VWA1: variants seen among roughly 807,000 people sequenced by gnomAD.
VWA1 encodes the protein von Willebrand factor A domain-containing protein 1.
In VWA1, 12 loss-of-function variants were observed where a neutral mutation model predicts 14.9. The observed-to-expected ratio is 0.80, with a 90% CI of 0.52 to 1.30. The LOEUF is 1.30. Among genes scored for constraint, VWA1 ranks in the 50% most tolerant of loss-of-function variants. VWA1 has a pLI of 0.00. For missense variants in VWA1, 800 were observed against 649.1 expected, an observed-to-expected ratio of 1.23 and a Z score of -2.53; for synonymous variants, 368 against 310.7, an observed-to-expected ratio of 1.18 and a Z score of -1.94.
intron 2 of VWA1, among the ~76,000 whole-genome samples, chr1:1,438,227 T>C: frequency 6.6e-6 from 1 of 151,994 alleles, no homozygotes; most frequent in Non-Finnish European, 1.5e-5. Context: ...TGGAGAGGGG[T>C]GGACGGCCCT....
Position 1,439,275 on chromosome 1 carries a change from G to T in VWA1, c.826G>T (p.Asp276Tyr). 1 of 1,605,450 alleles carries T rather than the reference G, an allele frequency of 6.2e-7. No homozygotes were observed. ...CTGGATCTGGGCCGGCCTCGACCCG[G>T]ACACGGACTACGACGTGGCGCTAGT... ...TDWIWAGLDPDTDYDVALVPE... is the reference protein window; with the variant it reads ...TDWIWAGLDPYTDYDVALVPE... Residue 276 changes from aspartate (D) to tyrosine (Y), a missense_variant, in exon 3 of 3, where the codon GAC (aspartate) becomes TAC (tyrosine). Transcript: ENST00000476993.
chr1:1,439,358 C>A lies in VWA1; in HGVS notation c.909C>A (p.Pro303=), dbSNP rs746462266. The A allele has an allele frequency of 1.9e-6, 3 of 1,542,814 alleles. No individual in the cohort carries two copies. The highest frequency in any genetic ancestry group is 3.5e-4 in the Middle Eastern group (2 of 5,756). The stretch of plus-strand genomic sequence containing the variant: ...AGATCCTGCGGGTGCGCACGCGGCC[C>A]GGTGAGGCAGGGCCGGGGGCTTCGG... ...RPQILRVRTR[P]GEAGPGASGP... The change falls in exon 3 of 3, where the codon CCC becomes CCA. Residue 303 remains proline, a synonymous_variant. Transcript: ENST00000476993.
intron 1 of VWA1, 68 bp from the exon 2 acceptor site, chr1:1,436,859 A>T: frequency 6.7e-7 from 1 of 1,484,508 alleles, no homozygotes; most frequent in African/African-American, 1.4e-5. Flanking sequence ...GCCCTGGGGG[A>T]CCCTGCCTTG....
Position 1,439,568 on chromosome 1 carries a change from C to A in VWA1, c.1119C>A (p.Gly373=), listed in dbSNP as rs770405941. The A allele has an allele frequency of 2.3e-6, 3 of 1,304,582 alleles. No individual in the cohort carries two copies. The highest frequency in any genetic ancestry group is 4.3e-5 in the Admixed American group (1 of 23,306). The allele number at this position is 1,304,582 out of a possible 1,614,324, so 80.8% of individuals were successfully genotyped here. Residue 373 remains glycine (G), a synonymous_variant, in exon 3 of 3, where the codon GGC becomes GGA. Coordinates refer to ENST00000476993, the MANE Select transcript of VWA1 (RefSeq NM_022834.5). ...GYHVQFGPLR[G]GEAQRVEVPA... The stretch of plus-strand genomic sequence containing the variant: ...ACGTGCAGTTCGGGCCGCTGCGGGG[C>A]GGGGAGGCGCAGCGGGTGGAGGTGC...
At position 1,437,489 on chromosome 1, in the gene VWA1, G is replaced by T; in HGVS notation, c.631+5G>T. 1.3e-6 allele frequency: 2 copies of T among 1,595,010 alleles called. No homozygotes were observed. Among genetic ancestry groups the T allele is most frequent in the South Asian group, 1.1e-5 (1 of 89,668 alleles). ...AGCTGAGGGGCTCCATTCTCGGTATGCGGGAGGAGGCAGGGCCCAGGGAGC... is the reference window on the plus strand; with the variant it reads ...AGCTGAGGGGCTCCATTCTCGGTATTCGGGAGGAGGCAGGGCCCAGGGAGC... On this transcript the variant is annotated splice_donor_5th_base_variant and intron_variant, in intron 2 of 2. Coordinates refer to ENST00000476993, the MANE Select transcript of VWA1 (RefSeq NM_022834.5).
rs1449330112 is a variant in VWA1 at position 1,437,015 on chromosome 1, G to A, written c.162G>A (p.Arg54=). 4 of 1,612,432 alleles carry A rather than the reference G, an allele frequency of 2.5e-6. No individual in the cohort carries two copies. The highest frequency in any genetic ancestry group is 3.4e-6 in the Non-Finnish European group (4 of 1,179,866). Reference sequence around the variant, plus strand: ...CTCACTACGAGTTCTCCCGGGTTCGGGAGTTTGTGGGGCAGCTGGTGGCTC... The same window carrying A: ...CTCACTACGAGTTCTCCCGGGTTCGAGAGTTTGTGGGGCAGCTGGTGGCTC... ...SVSHYEFSRV[R]EFVGQLVAPL... Residue 54 remains arginine, a synonymous_variant, in exon 2 of 3, where the codon CGG becomes CGA. Transcript: ENST00000476993.
chr1:1,436,209 A>G (rs1368096040), intron 1 of VWA1, among the ~76,000 whole-genome samples: 3 of 152,166 alleles, frequency 2.0e-5, no homozygotes, highest in African/African-American at 7.2e-5. Flanking sequence ...CAAGGCCGGG[A>G]CTAGAATTGA....
In VWA1 at chr1:1,439,924, C is replaced by G; in HGVS notation, c.*137C>G. The G allele has an allele frequency of 1.0e-6, 1 of 984,474 alleles. No homozygotes were observed. The highest frequency in any genetic ancestry group is 1.2e-6 in the Non-Finnish European group (1 of 818,362). The allele number at this position is 984,474 out of a possible 1,614,324, so 61.0% of individuals were successfully genotyped here. A position where few individuals can be genotyped will look rare whatever the true frequency, so the allele number is the denominator to read the frequency against. On this transcript the variant is annotated 3_prime_UTR_variant, in exon 3 of 3. Coordinates refer to ENST00000476993, the MANE Select transcript of VWA1 (RefSeq NM_022834.5). ...CCACGCGGACTCCGCGCGACCCCGG[C>G]CCTCTCCCTGCGGCCGCAGGGCTTC... is the stretch of plus-strand genomic sequence containing the variant.
chr1:1,439,356 C>A lies in VWA1; in HGVS notation c.907C>A (p.Pro303Thr). The change falls in exon 3 of 3, where the codon CCC (proline) becomes ACC (threonine). Residue 303 changes from proline (P) to threonine (T), a missense_variant. Transcript: ENST00000476993. Reference sequence around the variant, plus strand: ...CCAGATCCTGCGGGTGCGCACGCGGCCCGGTGAGGCAGGGCCGGGGGCTTC... The same window carrying A: ...CCAGATCCTGCGGGTGCGCACGCGGACCGGTGAGGCAGGGCCGGGGGCTTC... ...RPQILRVRTR[P>T]GEAGPGASGP... 6.5e-7 allele frequency: 1 copy of A among 1,545,778 alleles called. No homozygotes were observed. Among genetic ancestry groups the A allele is most frequent in the South Asian group, 1.2e-5 (1 of 84,888 alleles).
chr1:1,437,775 G>A (rs1385055724), intron 2 of VWA1, among the ~76,000 whole-genome samples: 5 of 152,306 alleles, frequency 3.3e-5, no homozygotes, highest in South Asian at 2.1e-4. Context: ...TGCAGAGCCC[G>A]GGTGTAGGCC....
rs954109818 is a variant in VWA1 at position 1,440,002 on chromosome 1, A to T, written c.*215A>T. ...GGGGCCTCGCCTGGCGGGACCCCGC[A>T]GCAGCCCCGGCCCCATCCCCGCCCA... On this transcript the variant is annotated 3_prime_UTR_variant, in exon 3 of 3. Transcript: ENST00000476993. The T allele has an allele frequency of 2.5e-6, 1 of 405,844 alleles. No homozygotes were observed. The highest frequency in any genetic ancestry group is 3.5e-6 in the Non-Finnish European group (1 of 283,666). 25.1% of individuals were successfully genotyped at this position (405,844 alleles called of 1,614,324 possible). A position where few individuals can be genotyped will look rare whatever the true frequency, so the allele number is the denominator to read the frequency against.
chr1:1,438,896 A>G (rs1384222128), intron 2 of VWA1, among the ~76,000 whole-genome samples, 185 bp from the exon 3 acceptor site: 2 of 152,180 alleles, frequency 1.3e-5, no homozygotes, highest in African/African-American at 4.8e-5. Flanking sequence ...GTCCTCCCCC[A>G]GCCAAGGCAC....
chr1:1,439,870 C>T lies in VWA1; in HGVS notation c.*83C>T, dbSNP rs565276974. The T allele has an allele frequency of 1.6e-5, 17 of 1,034,526 alleles. No individual in the cohort carries two copies. The highest frequency in any genetic ancestry group is 1.9e-5 in the Non-Finnish European group (16 of 861,556). 64.1% of individuals were successfully genotyped at this position (1,034,526 alleles called of 1,614,324 possible). ...GAACCCGGAGCGGAGGCGCCCAACC[C>T]GGCAGACGGGTGCAGGCCCGGCCTT... On this transcript the variant is annotated 3_prime_UTR_variant, in exon 3 of 3. Transcript: ENST00000476993.
At chr1:1,436,673 TG>T (rs1464997024) in intron 1 of VWA1, 2 of 452,910 alleles carry the variant, frequency 4.4e-6, no homozygotes, top group Non-Finnish European at 7.9e-6. Flanking sequence ...TGTGGGGGCT[TG>T]GAGCGGAGAG....
Position 1,439,459 on chromosome 1 carries a change from G to T in VWA1, c.1010G>T (p.Arg337Leu), listed in dbSNP as rs1256524094. 2 of 1,425,076 alleles carry T rather than the reference G, an allele frequency of 1.4e-6. No individual in the cohort carries two copies. The highest frequency in any genetic ancestry group is 1.8e-6 in the Non-Finnish European group (2 of 1,098,816). The allele number at this position is 1,425,076 out of a possible 1,614,324, so 88.3% of individuals were successfully genotyped here. Residue 337 changes from arginine to leucine, a missense_variant, in exon 3 of 3, where the codon CGC becomes CTC. Transcript: ENST00000476993. Reference sequence around the variant, plus strand: ...GCCCCAGAGGAGGCCGGGCCAGAGCGCATCGTCATCTCCCACGCCCGGCCG... The same window carrying T: ...GCCCCAGAGGAGGCCGGGCCAGAGCTCATCGTCATCTCCCACGCCCGGCCG... ...LPAPEEAGPE[R>L]IVISHARPRS...
rs565289707 is a variant in VWA1, at chr1:1,439,268, C to T, written c.819C>T (p.Leu273=). The T allele has an allele frequency of 2.5e-6, 4 of 1,605,974 alleles. No homozygotes were observed. The highest frequency in any genetic ancestry group is 2.7e-5 in the African/African-American group (2 of 74,960). ...GNATDWIWAG[L]DPDTDYDVAL... The stretch of plus-strand genomic sequence containing the variant: ...CCACGGACTGGATCTGGGCCGGCCT[C>T]GACCCGGACACGGACTACGACGTGG... The change falls in exon 3 of 3, where the codon CTC becomes CTT. Residue 273 remains leucine, a synonymous_variant. Coordinates refer to ENST00000476993, the MANE Select transcript of VWA1 (RefSeq NM_022834.5).
At chr1:1,437,624 G>T (rs563950652) in intron 2 of VWA1, 140 bp downstream of exon 2, 1 of 1,050,240 alleles carries the variant, frequency 9.5e-7, no homozygotes, top group East Asian at 2.6e-5. Flanking sequence ...AGGGTGCAGG[G>T]CTGAGTGATG....
Position 1,435,729 on chromosome 1 carries a change from C to A in VWA1, c.-20C>A. 8.3e-7 allele frequency: 1 copy of A among 1,199,720 alleles called. No individual in the cohort carries two copies. Among genetic ancestry groups the A allele is most frequent in the Non-Finnish European group, 1.0e-6 (1 of 961,018 alleles). 74.3% of individuals were successfully genotyped at this position (1,199,720 alleles called of 1,614,324 possible). A position where few individuals can be genotyped will look rare whatever the true frequency, so the allele number is the denominator to read the frequency against. ...GAGCGAGCGAGCGAGTTGCCGAGCG[C>A]GCCCCGTCCCTCGCGCGCGATGCTC... On this transcript the variant is annotated 5_prime_UTR_variant, in exon 1 of 3. Transcript: ENST00000476993.
intron 2 of VWA1, among the ~76,000 whole-genome samples, chr1:1,438,681 C>T (rs1431670438): frequency 6.6e-6 from 1 of 152,124 alleles, no homozygotes; most frequent in Admixed American, 6.5e-5. Context: ...CTCAGAGAGC[C>T]GGGCTGACCT....
Sources: gnomAD v4.1 joint callset for allele counts (sites outside exome capture counted in the v4.1 genomes callset) on GRCh38, gnomAD v4.1.1 for gene constraint, MANE v1.5 for transcripts, NCBI Gene and HGNC (gene_info 2026-07-23, HGNC 2026-07-21) for gene names.